ADAM18: variants seen among roughly 807,000 people sequenced by gnomAD.
The protein encoded by ADAM18 is disintegrin and metalloproteinase domain-containing protein 18.
ADAM18 carries 117 observed loss-of-function variants against 94.4 expected under a neutral mutation model. The observed-to-expected ratio is 1.24, with a 90% confidence interval of 1.07 to 1.45. The LOEUF (loss-of-function observed/expected upper bound fraction) is 1.45, where lower values mean the gene tolerates loss of function less well. Among genes scored for constraint, ADAM18 ranks in the 40% most tolerant of loss-of-function variants. The pLI, the probability that ADAM18 is intolerant of heterozygous loss-of-function variation, is 0.00. For missense variants in ADAM18, 936 were observed against 880.0 expected, an observed-to-expected ratio of 1.06 and a Z score of -0.81; for synonymous variants, 327 against 291.6, an observed-to-expected ratio of 1.12 and a Z score of -1.24.
chr8:39,587,833 T>A (rs982730125), intron 2 of ADAM18, among the ~76,000 whole-genome samples: 1 of 152,202 alleles, frequency 6.6e-6, no homozygotes, highest in African/African-American at 2.4e-5. Context: ...CATAACATAA[T>A]GTTCTGTGGG....
intron 12 of ADAM18, among the ~76,000 whole-genome samples, chr8:39,661,221 C>G (rs1241019638): frequency 1.5e-5 from 2 of 137,354 alleles, no homozygotes; most frequent in Non-Finnish European, 3.0e-5. Flanking sequence ...GGTGCGATAT[C>G]GGCTCACTGC....
intron 2 of ADAM18, chr8:39,604,581 G>C (rs1819009989): frequency 6.6e-6 from 1 of 152,202 alleles, no homozygotes; most frequent in African/African-American, 2.4e-5. Flanking sequence ...TCATGTAAAA[G>C]TGTGTGGCAC....
chr8:39,633,076 G>A (rs767389827), intron 7 of ADAM18, among the ~76,000 whole-genome samples: 6 of 152,044 alleles, frequency 3.9e-5, no homozygotes, highest in Admixed American at 6.6e-5. Context: ...TCCTCTCCAC[G>A]AGGACATAGC....
intron 16 of ADAM18, among the ~76,000 whole-genome samples, chr8:39,685,928 CCCTCATTTT>C (rs1236812912): frequency 6.6e-6 from 1 of 152,070 alleles, no homozygotes; most frequent in East Asian, 1.9e-4. Context: ...GATCGTCTTT[CCCTCATTTT>C]CCGGTACCTT....
intron 15 of ADAM18, among the ~76,000 whole-genome samples, chr8:39,678,999 G>A (rs960845493): frequency 6.6e-6 from 1 of 152,138 alleles, no homozygotes; most frequent in Non-Finnish European, 1.5e-5. Context: ...ATGCAAGTCT[G>A]GTTTAGAATA....
At chr8:39,618,334 G>T (rs1038272531) in intron 6 of ADAM18, among the ~76,000 whole-genome samples, 2 of 152,166 alleles carry the variant, frequency 1.3e-5, no homozygotes, top group Admixed American at 1.3e-4. Context: ...TAGTAAGGGT[G>T]GGGGTAGGTT....
chr8:39,589,239 G>A (rs552838775), intron 2 of ADAM18, among the ~76,000 whole-genome samples: 73 of 152,246 alleles, frequency 4.8e-4, no homozygotes, highest in Non-Finnish European at 8.7e-4. Flanking sequence ...ACTCCTTAAT[G>A]TTACTGGCTG....
intron 2 of ADAM18, chr8:39,605,777 G>T: frequency 5.1e-6 from 1 of 195,864 alleles, no homozygotes; most frequent in Non-Finnish European, 1.1e-5. Flanking sequence ...TTCTTTAGTG[G>T]TGATTTGTGA....
At chr8:39,714,095 G>C (rs1424365914) in intron 18 of ADAM18, among the ~76,000 whole-genome samples, 1 of 152,136 alleles carries the variant, frequency 6.6e-6, no homozygotes, top group Non-Finnish European at 1.5e-5. Flanking sequence ...GTACACCATG[G>C]AATACTATGC....
chr8:39,615,026 C>G (rs1031057382), intron 6 of ADAM18, among the ~76,000 whole-genome samples: 1 of 152,128 alleles, frequency 6.6e-6, no homozygotes, highest in African/African-American at 2.4e-5. Flanking sequence ...CAACACTCCA[C>G]TGACAGCATT....
intron 6 of ADAM18, chr8:39,611,293 G>T: frequency 2.0e-6 from 1 of 502,672 alleles, no homozygotes; most frequent in Non-Finnish European, 2.6e-6. Context: ...CTTTGCCTTT[G>T]TCTTATGGCA....
At chr8:39,717,316 T>G (rs1249364020) in intron 18 of ADAM18, among the ~76,000 whole-genome samples, 1 of 151,904 alleles carries the variant, frequency 6.6e-6, no homozygotes, top group Admixed American at 6.6e-5. Context: ...TTATTTTTAA[T>G]ACTTTTGTCT....
chr8:39,699,479 C>A (rs969074072), intron 17 of ADAM18, among the ~76,000 whole-genome samples: 1 of 151,560 alleles, frequency 6.6e-6, no homozygotes, highest in Non-Finnish European at 1.5e-5. Context: ...AGGATAAACC[C>A]TCCTTAGTTT....
chr8:39,723,753 T>C lies in ADAM18; in HGVS notation c.2023T>C (p.Phe675Leu). The change falls in exon 19 of 20, where the codon TTT becomes CTT. Residue 675 changes from phenylalanine (F) to leucine (L), a missense_variant. Physicochemically the swap from Phe to Leu is conservative, Grantham distance 22 (BLOSUM62 0). Coordinates refer to ENST00000265707, the MANE Select transcript of ADAM18 (RefSeq NM_014237.3). ...DDGNFQKSGDFYTEKGYNTHW... is the reference protein window; with the variant it reads ...DDGNFQKSGDLYTEKGYNTHW... ...ATCATATGATTCATTTCTAGGTGACTTTTATACTGAAAAAGGCTACAATAC... is the reference window on the plus strand; with the variant it reads ...ATCATATGATTCATTTCTAGGTGACCTTTATACTGAAAAAGGCTACAATAC... The C allele has an allele frequency of 6.7e-7, 1 of 1,501,426 alleles. No individual in the cohort carries two copies. The highest frequency in any genetic ancestry group is 8.9e-7 in the Non-Finnish European group (1 of 1,129,116). 93.0% of individuals were successfully genotyped at this position (1,501,426 alleles called of 1,614,324 possible). A position where few individuals can be genotyped will look rare whatever the true frequency, so the allele number is the denominator to read the frequency against.
chr8:39,635,353 T>G (rs1324762895), intron 7 of ADAM18, among the ~76,000 whole-genome samples: 1 of 152,212 alleles, frequency 6.6e-6, no homozygotes, highest in Non-Finnish European at 1.5e-5. Context: ...ATTGGTATAT[T>G]TGTAGTATCA....
chr8:39,696,479 A>G (rs1318211599), intron 17 of ADAM18, among the ~76,000 whole-genome samples: 1 of 151,426 alleles, frequency 6.6e-6, no homozygotes, highest in Non-Finnish European at 1.5e-5. Context: ...CCTTATGTTT[A>G]TCTCTAAGAG....
intron 14 of ADAM18, 31 bp from the exon 15 acceptor site, chr8:39,677,400 G>A (rs756448453): frequency 6.6e-7 from 1 of 1,516,868 alleles, no homozygotes; most frequent in South Asian, 1.2e-5. Flanking sequence ...TATTAAGAAT[G>A]ATAATTCAAC....
At chr8:39,657,113 A>G (rs180978068) in intron 12 of ADAM18, among the ~76,000 whole-genome samples, 67 of 152,338 alleles carry the variant, frequency 4.4e-4, no homozygotes, top group Admixed American at 3.3e-3. Context: ...AAAATGAAAA[A>G]CAAATTGTGC....
intron 7 of ADAM18, among the ~76,000 whole-genome samples, chr8:39,631,688 C>G (rs1217804591): frequency 6.6e-6 from 1 of 151,898 alleles, no homozygotes; most frequent in Admixed American, 6.6e-5. Flanking sequence ...TGGAATCACC[C>G]TCTAAAATTT....
Sources: gnomAD v4.1 joint callset for allele counts (sites outside exome capture counted in the v4.1 genomes callset) on GRCh38, gnomAD v4.1.1 for gene constraint, MANE v1.5 for transcripts, NCBI Gene and HGNC (gene_info 2026-07-23, HGNC 2026-07-21) for gene names.